The following ASIC2 variants were observed in gnomAD, a reference collection of about 807,000 sequenced individuals.
The protein encoded by ASIC2 is acid-sensing ion channel 2.
In ASIC2, 25 loss-of-function variants were observed where a neutral mutation model predicts 57.3. The observed-to-expected ratio is 0.44, with a 90% CI of 0.32 to 0.61. ASIC2 has a LOEUF of 0.61. ASIC2 is among the 20% of genes least tolerant of loss of function. The probability of loss-of-function intolerance (pLI) is 0.06; values close to 1 mark genes in which losing one functional copy is unlikely to be tolerated. For synonymous variants in ASIC2, 319 were observed against 307.5 expected, an observed-to-expected ratio of 1.04 and a Z score of -0.39; for missense variants, 641 against 738.1, an observed-to-expected ratio of 0.87 and a Z score of 1.52.
intron 1 of ASIC2, among the ~76,000 whole-genome samples, chr17:33,638,006 G>C (rs1906426386): frequency 6.6e-6 from 1 of 152,150 alleles, no homozygotes; most frequent in Admixed American, 6.5e-5. Flanking sequence ...CTGGGTGGGG[G>C]CCACAGGACT....
chr17:33,434,805 G>C (rs1911550387), intron 1 of ASIC2, among the ~76,000 whole-genome samples: 1 of 152,214 alleles, frequency 6.6e-6, no homozygotes, highest in Non-Finnish European at 1.5e-5. Context: ...GGTTAGAACG[G>C]AGAGTAAGGT....
At chr17:33,623,831 A>G (rs1412233893) in intron 1 of ASIC2, among the ~76,000 whole-genome samples, 1 of 152,048 alleles carries the variant, frequency 6.6e-6, no homozygotes, top group Non-Finnish European at 1.5e-5. Flanking sequence ...CTAGAGAGAT[A>G]GTCCAAGCTG....
chr17:34,112,339 A>C (rs1019386843), intron 1 of ASIC2, among the ~76,000 whole-genome samples: 1 of 152,168 alleles, frequency 6.6e-6, no homozygotes, highest in African/African-American at 2.4e-5. Flanking sequence ...TAAATTCAAT[A>C]ACAAAAAAAG....
intron 1 of ASIC2, among the ~76,000 whole-genome samples, chr17:33,757,421 C>T (rs892614832): frequency 1.1e-4 from 17 of 152,102 alleles, no homozygotes; most frequent in African/African-American, 1.9e-4. Flanking sequence ...GTCGGGAGTT[C>T]GAGACCAGCT....
chr17:33,060,235 C>A (rs1244824850), intron 3 of ASIC2, among the ~76,000 whole-genome samples: 1 of 152,098 alleles, frequency 6.6e-6, no homozygotes, highest in African/African-American at 2.4e-5. Flanking sequence ...ACGTCCTTGC[C>A]CATGCCTATG....
intron 1 of ASIC2, among the ~76,000 whole-genome samples, chr17:33,866,707 C>A (rs1036488439): frequency 2.0e-5 from 3 of 152,184 alleles, no homozygotes; most frequent in African/African-American, 4.8e-5. Flanking sequence ...GGATCCCTGA[C>A]TGATCTCTAT....
At chr17:33,527,500 G>C (rs572665158) in intron 1 of ASIC2, among the ~76,000 whole-genome samples, 32 of 152,160 alleles carry the variant, frequency 2.1e-4, no homozygotes, top group Non-Finnish European at 4.1e-4. Flanking sequence ...TGGCAGAGGA[G>C]AGTGCTCCAG....
chr17:33,730,233 C>A (rs959551624), intron 1 of ASIC2, among the ~76,000 whole-genome samples: 7 of 152,090 alleles, frequency 4.6e-5, no homozygotes, highest in African/African-American at 1.7e-4. Context: ...GAAACTGAGT[C>A]TCTTCTTTTA....
chr17:34,067,153 C>T (rs1909202272), intron 1 of ASIC2, among the ~76,000 whole-genome samples: 1 of 152,212 alleles, frequency 6.6e-6, no homozygotes, highest in South Asian at 2.1e-4. Context: ...CACAACCACA[C>T]ACCTATTACA....
At chr17:34,018,878 T>C (rs1350709825) in intron 1 of ASIC2, among the ~76,000 whole-genome samples, 6 of 152,158 alleles carry the variant, frequency 3.9e-5, no homozygotes, top group Admixed American at 3.3e-4. Flanking sequence ...GGGTTGTTTT[T>C]TATAGATGAG....
chr17:34,031,590 T>A (rs1343988131), intron 1 of ASIC2, among the ~76,000 whole-genome samples: 2 of 151,948 alleles, frequency 1.3e-5, no homozygotes, highest in Non-Finnish European at 2.9e-5. Context: ...TTCGAACCAA[T>A]GGCAAAGAAG....
chr17:33,300,442 T>C (rs1905907994), intron 1 of ASIC2, among the ~76,000 whole-genome samples: 1 of 152,226 alleles, frequency 6.6e-6, no homozygotes, highest in Non-Finnish European at 1.5e-5. Flanking sequence ...GCAGGTCCTA[T>C]GACAAGGTGG....
chr17:33,978,038 G>A (rs1025230280), intron 1 of ASIC2, among the ~76,000 whole-genome samples: 7 of 152,186 alleles, frequency 4.6e-5, no homozygotes, highest in Non-Finnish European at 8.8e-5. Flanking sequence ...CCTGGTGCCA[G>A]CCCTTGAAGG....
At chr17:33,141,820 C>T (rs567892058) in intron 1 of ASIC2, among the ~76,000 whole-genome samples, 11 of 152,316 alleles carry the variant, frequency 7.2e-5, no homozygotes, top group East Asian at 3.9e-4. Flanking sequence ...TGTTTCCATG[C>T]GTGAACCTCT....
intron 1 of ASIC2, among the ~76,000 whole-genome samples, chr17:33,640,772 TC>T (rs1298817374): frequency 6.7e-6 from 1 of 149,268 alleles, no homozygotes; most frequent in African/African-American, 2.4e-5. Context: ...TTTAGTTATC[TC>T]TAGAGTCCCT....
At chr17:34,084,260 T>C (rs558703757) in intron 1 of ASIC2, among the ~76,000 whole-genome samples, 1 of 152,154 alleles carries the variant, frequency 6.6e-6, no homozygotes, top group East Asian at 1.9e-4. Context: ...GTTTTCCACA[T>C]ATGGCTAGCC....
At chr17:33,326,097 C>T (rs1161810916) in intron 1 of ASIC2, among the ~76,000 whole-genome samples, 1 of 152,336 alleles carries the variant, frequency 6.6e-6, no homozygotes, top group East Asian at 1.9e-4. Context: ...TAAATCTTGG[C>T]AGCAAGACAT....
intron 1 of ASIC2, among the ~76,000 whole-genome samples, chr17:33,233,707 G>C (rs575416829): frequency 3.5e-4 from 53 of 151,992 alleles, no homozygotes; most frequent in African/African-American, 1.3e-3. Flanking sequence ...ATAATGATTA[G>C]AAGGTCTCAA....
chr17:33,028,538 T>A, intron 3 of ASIC2, 146 bp from the exon 4 acceptor site: 1 of 1,095,062 alleles, frequency 9.1e-7, no homozygotes, highest in East Asian at 2.6e-5. Context: ...ATACTAGTTT[T>A]CTTACCTTAC....
Sources: gnomAD v4.1 joint callset for allele counts (sites outside exome capture counted in the v4.1 genomes callset) on GRCh38, gnomAD v4.1.1 for gene constraint, MANE v1.5 for transcripts, NCBI Gene and HGNC (gene_info 2026-07-23, HGNC 2026-07-21) for gene names.